ARHGEF10L: variants seen among roughly 807,000 people sequenced by gnomAD.
The protein encoded by ARHGEF10L is rho guanine nucleotide exchange factor 10-like protein.
A neutral mutation model predicts 141.2 loss-of-function variants in ARHGEF10L; 69 were observed. That is an observed-to-expected ratio of 0.49 (90% CI 0.40 to 0.60). The LOEUF (loss-of-function observed/expected upper bound fraction) is 0.60. Ranked by LOEUF, ARHGEF10L falls within the 20% of genes least tolerant of loss-of-function variation. ARHGEF10L has a pLI of 0.00. For missense variants in ARHGEF10L, 1,482 were observed against 1,734.3 expected (o/e 0.85, Z 2.58); for synonymous variants, 711 against 718.5 (o/e 0.99, Z 0.17).
Position 17,624,593 on chromosome 1 carries a change from T to C in ARHGEF10L, c.1317+90T>C, listed in dbSNP as rs980011850. ...AGCATTTTGGCCCCAGCTTTGGGTA[T>C]GACATCATAGCTTTGGCCTGGACAG... On this transcript the variant is annotated intron_variant, in intron 13 of 28. Transcript: ENST00000361221. 1.4e-5 allele frequency: 14 copies of C among 1,035,824 alleles called. No individual in the cohort carries two copies. In the Admixed American group the frequency reaches 2.3e-4, roughly 17 times the overall value. 64.2% of individuals were successfully genotyped at this position (1,035,824 alleles called of 1,614,324 possible).
intron 26 of ARHGEF10L, among the ~76,000 whole-genome samples, chr1:17,685,444 T>A (rs2064492409): frequency 6.6e-6 from 1 of 152,088 alleles, no homozygotes; most frequent in Admixed American, 6.6e-5. Flanking sequence ...CTCTTCCCCC[T>A]CCTCCCAATC....
chr1:17,693,956 C>T (rs1377168747), intron 27 of ARHGEF10L: 4 of 152,256 alleles, frequency 2.6e-5, no homozygotes, highest in Non-Finnish European at 1.5e-5. Flanking sequence ...GGGTCTGTCC[C>T]TGAGCCGGCA....
chr1:17,607,654 T>C lies in ARHGEF10L; in HGVS notation c.434-148T>C, dbSNP rs895158983. 1 of 740,442 alleles carries C rather than the reference T, an allele frequency of 1.4e-6. No homozygotes were observed. The highest frequency in any genetic ancestry group is 2.0e-6 in the Non-Finnish European group (1 of 497,688). The allele number at this position is 740,442 out of a possible 1,614,324, so 45.9% of individuals were successfully genotyped here. A position where few individuals can be genotyped will look rare whatever the true frequency, so the allele number is the denominator to read the frequency against. Reference sequence around the variant, plus strand: ...ATGTATTATCATCTTCGTTTCATGGTTGAGGAGGTAGAGCTGGAGCCCCAG... The same window carrying C: ...ATGTATTATCATCTTCGTTTCATGGCTGAGGAGGTAGAGCTGGAGCCCCAG... On this transcript the variant is annotated intron_variant, in intron 6 of 28. Coordinates refer to ENST00000361221, the MANE Select transcript of ARHGEF10L (RefSeq NM_018125.4). This position sits in a 1 kb window ranked among gnomAD's most constrained non-coding sequence, Gnocchi z 4.5.
At chr1:17,578,487 C>A (rs2078315484) in intron 1 of ARHGEF10L, among the ~76,000 whole-genome samples, 1 of 152,106 alleles carries the variant, frequency 6.6e-6, no homozygotes. Flanking sequence ...GAGTTTGGGA[C>A]CAGCCTGGGC....
Position 17,644,902 on chromosome 1 carries a change from G to A in ARHGEF10L, c.2273-3652G>A, listed in dbSNP as rs2061506419. On this transcript the variant is annotated intron_variant, in intron 21 of 28. Transcript: ENST00000361221. This position sits in a 1 kb window ranked among gnomAD's most constrained non-coding sequence, Gnocchi z 4.5. ...CAGTGCTCACAACTCCAGATGGTTG[G>A]CGTTCCTTCCCCCATTTTCTACATG... Among the ~76,000 whole-genome samples the A allele has an allele frequency of 6.6e-6, 1 of 152,146 alleles. No individual in the cohort carries two copies. Among genetic ancestry groups the A allele is most frequent in the South Asian group, 2.1e-4 (1 of 4,838 alleles).
At chr1:17,529,212 A>G in the ARHGEF10L span, among the ~76,000 whole-genome samples, 1 of 152,190 alleles carries the variant, frequency 6.6e-6, no homozygotes, top group Non-Finnish European at 1.5e-5. Context: ...CATGTTGGCC[A>G]GGCTAGTCTT....
chr1:17,593,081 T>C (rs2079716329), intron 4 of ARHGEF10L, among the ~76,000 whole-genome samples: 1 of 152,142 alleles, frequency 6.6e-6, no homozygotes, highest in African/African-American at 2.4e-5. Flanking sequence ...CCCCACAGCC[T>C]CTTCATTGAA....
At chr1:17,565,126 T>C (rs974014347) in intron 1 of ARHGEF10L, among the ~76,000 whole-genome samples, 2 of 152,208 alleles carry the variant, frequency 1.3e-5, no homozygotes, top group African/African-American at 4.8e-5. Context: ...CTGTTCCTTA[T>C]AGATGGTACC....
intron 10 of ARHGEF10L, among the ~76,000 whole-genome samples, chr1:17,620,211 A>G (rs1328560811): frequency 2.0e-5 from 3 of 151,570 alleles, no homozygotes; most frequent in Non-Finnish European, 4.4e-5. Flanking sequence ...GTCTCAAAAA[A>G]AAAAAAAAAA....
intron 2 of ARHGEF10L, among the ~76,000 whole-genome samples, chr1:17,585,715 A>G (rs2078969431): frequency 6.6e-6 from 1 of 152,188 alleles, no homozygotes; most frequent in African/African-American, 2.4e-5. Flanking sequence ...GGATTTTTCT[A>G]GTCCAAGAGA....
At chr1:17,665,217 T>G (rs1044848504) in intron 26 of ARHGEF10L, among the ~76,000 whole-genome samples, 1 of 152,214 alleles carries the variant, frequency 6.6e-6, no homozygotes, top group Admixed American at 6.5e-5. Context: ...TTTGTTTGGA[T>G]TATCGATTGC....
intron 7 of ARHGEF10L, among the ~76,000 whole-genome samples, chr1:17,612,010 C>T (rs1366975120): frequency 3.4e-5 from 5 of 146,834 alleles, no homozygotes; most frequent in Non-Finnish European, 7.5e-5. Flanking sequence ...CATCCATCCT[C>T]CAGATAGTCT....
At position 17,697,165 on chromosome 1, in the gene ARHGEF10L, T is replaced by C; in HGVS notation, c.3625T>C (p.Ser1209Pro). The change falls in exon 29 of 29, where the codon TCC (serine) becomes CCC (proline). Residue 1209 changes from serine (S) to proline (P), a missense_variant. This residue lies in a region of ARHGEF10L where 858 missense variants were observed against 966.3 expected (regional missense o/e 0.89). Transcript: ENST00000361221. The surrounding 1 kb of genome is among the most constrained non-coding windows in gnomAD (Gnocchi z 4.8). ...TTTGGAGCACAGCGAGGAGGACGGC[T>C]CCATTTACGAGATGGCCGACGACCC... is the stretch of plus-strand genomic sequence containing the variant. ...AALEHSEEDG[S>P]IYEMADDPDI... 1 of 1,611,940 alleles carries C rather than the reference T, an allele frequency of 6.2e-7. No homozygotes were observed. Among genetic ancestry groups the C allele is most frequent in the Non-Finnish European group, 8.5e-7 (1 of 1,179,456 alleles).
At chr1:17,687,939 C>G (rs912127310) in intron 27 of ARHGEF10L, among the ~76,000 whole-genome samples, 192 bp downstream of exon 27, 5 of 152,222 alleles carry the variant, frequency 3.3e-5, no homozygotes, top group African/African-American at 1.2e-4. Context: ...AAGCCCCTGC[C>G]TGTCACTGTG....
chr1:17,533,668 G>T, the ARHGEF10L span, among the ~76,000 whole-genome samples: 1 of 152,132 alleles, frequency 6.6e-6, no homozygotes, highest in Non-Finnish European at 1.5e-5. Context: ...AACCTAGAAG[G>T]CTTGAGGTGT....
chr1:17,648,239 G>A (rs1006019951), intron 21 of ARHGEF10L, among the ~76,000 whole-genome samples: 1 of 152,230 alleles, frequency 6.6e-6, no homozygotes, highest in African/African-American at 2.4e-5. Context: ...ACAGGACGAA[G>A]GCATTTCTAG....
chr1:17,545,386 G>T (rs955326298), intron 1 of ARHGEF10L, among the ~76,000 whole-genome samples: 3 of 152,180 alleles, frequency 2.0e-5, no homozygotes, highest in Admixed American at 1.3e-4. Context: ...AGGGGCAGCT[G>T]CTGGGCAGGG....
intron 22 of ARHGEF10L, among the ~76,000 whole-genome samples, chr1:17,648,886 G>C (rs1209381357): frequency 6.6e-6 from 1 of 152,226 alleles, no homozygotes; most frequent in Non-Finnish European, 1.5e-5. Flanking sequence ...AACGACCACT[G>C]TGGGTCAAGT....
At chr1:17,668,427 G>C (rs1337496140) in intron 26 of ARHGEF10L, among the ~76,000 whole-genome samples, 4 of 152,250 alleles carry the variant, frequency 2.6e-5, no homozygotes, top group Non-Finnish European at 4.4e-5. Flanking sequence ...CCCCTTGCCA[G>C]CCGTAGTGCA....
Sources: gnomAD v4.1 joint callset for allele counts (sites outside exome capture counted in the v4.1 genomes callset) on GRCh38, gnomAD v4.1.1 for gene constraint, gnomAD v4.1.1 regional missense constraint, Gnocchi (gnomAD v3.1) non-coding constraint, MANE v1.5 for transcripts, NCBI Gene and HGNC (gene_info 2026-07-23, HGNC 2026-07-21) for gene names.